ROBO2: variants seen among roughly 807,000 people sequenced by gnomAD.
ROBO2 encodes roundabout guidance receptor 2.
In ROBO2, 53 loss-of-function variants were observed where a neutral mutation model predicts 160.8. That is an observed-to-expected ratio of 0.33 (90% confidence interval 0.26 to 0.41). ROBO2 has a LOEUF of 0.41. Among genes scored for constraint, ROBO2 ranks in the 10% least tolerant of loss-of-function variants. The pLI is 1.00. For synonymous variants in ROBO2, 664 were observed against 611.7 expected, an observed-to-expected ratio of 1.09 and a Z score of -1.26; for missense variants, 1,577 against 1,722.4, an observed-to-expected ratio of 0.92 and a Z score of 1.49.
intron 2 of ROBO2, among the ~76,000 whole-genome samples, chr3:77,244,589 C>T (rs2089474265): frequency 6.6e-6 from 1 of 151,812 alleles, no homozygotes; most frequent in African/African-American, 2.4e-5. Context: ...TTAGAAAATC[C>T]CAACTTAAGG....
intron 2 of ROBO2, among the ~76,000 whole-genome samples, chr3:77,284,232 T>A (rs1403133653): frequency 2.0e-5 from 3 of 152,108 alleles, no homozygotes; most frequent in Non-Finnish European, 2.9e-5. Flanking sequence ...AAGCCCTAAG[T>A]GAGATATTTA....
At chr3:77,480,262 A>C (rs2084524759) in intron 3 of ROBO2, among the ~76,000 whole-genome samples, 1 of 151,650 alleles carries the variant, frequency 6.6e-6, no homozygotes, top group Non-Finnish European at 1.5e-5. Context: ...CTTCAAGAAC[A>C]CTCAATCATT....
At chr3:76,249,651 G>A (rs979635821) in intron 2 of ROBO2, among the ~76,000 whole-genome samples, 2 of 152,062 alleles carry the variant, frequency 1.3e-5, no homozygotes, top group Non-Finnish European at 2.9e-5. Flanking sequence ...GTCACAGTGT[G>A]TCTATGGAAT....
chr3:76,052,267 C>CTA (rs1453835704), intron 2 of ROBO2, among the ~76,000 whole-genome samples: 1 of 152,020 alleles, frequency 6.6e-6, no homozygotes, highest in Admixed American at 6.5e-5. Flanking sequence ...AATGTAAATA[C>CTA]TAACTTTACC....
chr3:76,242,270 GC>G (rs1705336183), intron 2 of ROBO2, among the ~76,000 whole-genome samples: 1 of 152,134 alleles, frequency 6.6e-6, no homozygotes, highest in African/African-American at 2.4e-5. Context: ...AAACACAACT[GC>G]CCCCTTCTTC....
chr3:77,399,345 T>C (rs1042633805), intron 2 of ROBO2, among the ~76,000 whole-genome samples: 1 of 152,166 alleles, frequency 6.6e-6, no homozygotes, highest in Non-Finnish European at 1.5e-5. Flanking sequence ...TGGTGACAAG[T>C]AGTCAGGATA....
At chr3:76,126,314 A>G (rs1220208554) in intron 2 of ROBO2, among the ~76,000 whole-genome samples, 3 of 152,092 alleles carry the variant, frequency 2.0e-5, no homozygotes, top group African/African-American at 7.2e-5. Flanking sequence ...GCTTCTTAGG[A>G]GTCCTTATTT....
intron 4 of ROBO2, among the ~76,000 whole-genome samples, chr3:77,490,329 A>T (rs1385925445): frequency 6.6e-6 from 1 of 151,956 alleles, no homozygotes; most frequent in Admixed American, 6.6e-5. Flanking sequence ...TGACCTCGTG[A>T]TCTGCCCACC....
intron 2 of ROBO2, among the ~76,000 whole-genome samples, chr3:77,328,582 A>T (rs1258535014): frequency 6.6e-6 from 1 of 152,164 alleles, no homozygotes; most frequent in African/African-American, 2.4e-5. Context: ...TTTAACTTAT[A>T]GTAATGATGA....
At chr3:77,414,393 G>C (rs953031741) in intron 2 of ROBO2, among the ~76,000 whole-genome samples, 1 of 152,226 alleles carries the variant, frequency 6.6e-6, no homozygotes, top group Admixed American at 6.5e-5. Flanking sequence ...CCACACTAGT[G>C]TCCTGCAGTA....
intron 2 of ROBO2, among the ~76,000 whole-genome samples, chr3:76,060,127 A>C (rs1229858174): frequency 6.6e-6 from 1 of 151,960 alleles, no homozygotes; most frequent in Non-Finnish European, 1.5e-5. Context: ...TTTAAAGACA[A>C]TGTGATTTGA....
chr3:77,380,956 C>T (rs980010689), intron 2 of ROBO2, among the ~76,000 whole-genome samples: 5 of 152,022 alleles, frequency 3.3e-5, no homozygotes, highest in Non-Finnish European at 1.5e-5. Context: ...CTGGCAAATC[C>T]CCACCACTAC....
intron 2 of ROBO2, among the ~76,000 whole-genome samples, chr3:76,884,070 G>A (rs1375096703): frequency 2.0e-5 from 3 of 152,090 alleles, no homozygotes; most frequent in African/African-American, 4.8e-5. Context: ...CTTAGAATAG[G>A]CATAAGCATT....
At chr3:75,917,650 C>G (rs762002868) in intron 1 of ROBO2, among the ~76,000 whole-genome samples, 10 of 152,200 alleles carry the variant, frequency 6.6e-5, no homozygotes, top group Non-Finnish European at 1.3e-4. Context: ...TACAAGGCCA[C>G]CAGTGGTGTA....
Position 77,580,224 on chromosome 3 carries a change from A to C in ROBO2, c.2500+106A>C, listed in dbSNP as rs536261597. 105 of 1,031,670 alleles carry C rather than the reference A, an allele frequency of 1.0e-4. No homozygotes were observed. In the East Asian group the frequency reaches 2.4e-3, roughly 24 times the overall value. 63.9% of individuals were successfully genotyped at this position (1,031,670 alleles called of 1,614,324 possible). A position where few individuals can be genotyped will look rare whatever the true frequency, so the allele number is the denominator to read the frequency against. On this transcript the variant is annotated intron_variant, in intron 16 of 25. Transcript: ENST00000461745. The stretch of plus-strand genomic sequence containing the variant: ...TAGTGAATATACACTTATGAATGAT[A>C]GGGTACACATATCATATTGACAAAT...
At chr3:76,384,074 A>G (rs963160682) in intron 2 of ROBO2, among the ~76,000 whole-genome samples, 1 of 152,182 alleles carries the variant, frequency 6.6e-6, no homozygotes, top group Non-Finnish European at 1.5e-5. Flanking sequence ...ACAGTTGCAG[A>G]TTATAAATAA....
intron 2 of ROBO2, among the ~76,000 whole-genome samples, chr3:76,149,262 C>T (rs1218843708): frequency 6.6e-6 from 1 of 152,108 alleles, no homozygotes; most frequent in Non-Finnish European, 1.5e-5. Context: ...AAGGGGTAGT[C>T]CTTTAAAAAT....
intron 1 of ROBO2, among the ~76,000 whole-genome samples, chr3:77,090,706 A>G (rs2070107470): frequency 6.6e-6 from 1 of 152,058 alleles, no homozygotes; most frequent in South Asian, 2.1e-4. Flanking sequence ...CAAATGAGGC[A>G]TGAACGTTAA....
intron 2 of ROBO2, among the ~76,000 whole-genome samples, chr3:76,764,039 T>G (rs1229338357): frequency 6.6e-6 from 1 of 151,758 alleles, no homozygotes; most frequent in East Asian, 2.0e-4. Context: ...AGAATCTTCG[T>G]TTTATACTTT....
Sources: allele counts gnomAD v4.1 joint callset (sites outside exome capture counted in the v4.1 genomes callset), GRCh38; gene constraint gnomAD v4.1.1; transcripts MANE v1.5; gene names NCBI Gene and HGNC (gene_info 2026-07-23, HGNC 2026-07-21).